The following RASGRF2 variants were observed in gnomAD, a reference collection of about 807,000 sequenced individuals.
RASGRF2 encodes Ras protein specific guanine nucleotide releasing factor 2.
In RASGRF2, 76 loss-of-function variants were observed where a neutral mutation model predicts 151.0. That is an observed-to-expected ratio of 0.50 (90% CI 0.42 to 0.61). RASGRF2 has a LOEUF of 0.61. RASGRF2 is among the 20% of genes least tolerant of loss of function. The probability of loss-of-function intolerance (pLI) is 0.00; values close to 1 mark genes in which losing one functional copy is unlikely to be tolerated. For missense variants in RASGRF2, 1,148 were observed against 1,564.6 expected (o/e 0.73, Z 4.49); for synonymous variants, 504 against 566.5 (o/e 0.89, Z 1.57).
At chr5:81,201,110 C>G (rs762491783) in intron 18 of RASGRF2, among the ~76,000 whole-genome samples, 2 of 152,076 alleles carry the variant, frequency 1.3e-5, no homozygotes, top group Non-Finnish European at 2.9e-5. Flanking sequence ...ATTTGCACCC[C>G]CTGGGGAGCC....
chr5:81,207,621 C>T (rs1252706887), intron 21 of RASGRF2, among the ~76,000 whole-genome samples: 2 of 152,178 alleles, frequency 1.3e-5, no homozygotes, highest in African/African-American at 4.8e-5. Flanking sequence ...AATGACTATA[C>T]AAAATAATTC....
At chr5:80,999,746 C>T (rs1031414192) in intron 1 of RASGRF2, among the ~76,000 whole-genome samples, 8 of 152,030 alleles carry the variant, frequency 5.3e-5, no homozygotes, top group African/African-American at 1.9e-4. Context: ...CTCCTTAGTT[C>T]GATTTCTTTA....
In RASGRF2 at chr5:81,082,127, C is replaced by T. The variant is rs189214179; in HGVS notation, c.1161+1338C>T. On this transcript the variant is annotated intron_variant, in intron 7 of 26. Transcript: ENST00000265080. ...TCAGTTGAATATACAAAGGTAGAGT[C>T]GTGAAAGACACATGGGGCATTCAGA... is the stretch of plus-strand genomic sequence containing the variant. Among the ~76,000 whole-genome samples, 1,066 of 152,242 alleles carry T rather than the reference C, an allele frequency of 7.0e-3. 9 individuals carry two copies. The highest frequency in any genetic ancestry group is 0.011 in the Non-Finnish European group (751 of 68,018).
chr5:81,184,285 A>G (rs1165476363), intron 18 of RASGRF2, among the ~76,000 whole-genome samples: 1 of 152,140 alleles, frequency 6.6e-6, no homozygotes, highest in Non-Finnish European at 1.5e-5. Context: ...TCGTTTACAC[A>G]ATTCCCAGGT....
At chr5:81,055,532 G>A (rs1385498578) in intron 2 of RASGRF2, among the ~76,000 whole-genome samples, 1 of 152,206 alleles carries the variant, frequency 6.6e-6, no homozygotes, top group Non-Finnish European at 1.5e-5. Flanking sequence ...CAGTTTGCCA[G>A]TATTTTATTG....
intron 15 of RASGRF2, among the ~76,000 whole-genome samples, chr5:81,122,473 C>T (rs1219294819): frequency 6.6e-6 from 1 of 152,126 alleles, no homozygotes; most frequent in Non-Finnish European, 1.5e-5. Context: ...CTTTTCCTGG[C>T]CCCTTTGTGT....
chr5:81,188,664 A>G (rs1340686724), intron 18 of RASGRF2, among the ~76,000 whole-genome samples: 1 of 152,212 alleles, frequency 6.6e-6, no homozygotes, highest in East Asian at 1.9e-4. Context: ...GTTGTTTTCA[A>G]ATATTAAGTC....
chr5:80,972,668 C>T lies in RASGRF2; in HGVS notation c.288+11642C>T, dbSNP rs189980180. On this transcript the variant is annotated intron_variant, in intron 1 of 26. Transcript: ENST00000265080. ...CTAATTTTTATGTTTTTAGTAAAGACAGGGTTTCATCATGTTGGCCAGGCT... is the reference window on the plus strand; with the variant it reads ...CTAATTTTTATGTTTTTAGTAAAGATAGGGTTTCATCATGTTGGCCAGGCT... 6.0e-3 allele frequency among the ~76,000 whole-genome samples: 910 copies of T among 152,182 alleles called. 15 individuals carry two copies. Among genetic ancestry groups the T allele is most frequent in the African/African-American group, 0.02 (835 of 41,512 alleles).
Position 80,960,914 on chromosome 5 carries a change from G to A in RASGRF2, c.176G>A (p.Ser59Asn). The A allele has an allele frequency of 6.2e-7, 1 of 1,603,150 alleles. No individual in the cohort carries two copies. Among genetic ancestry groups the A allele is most frequent in the Non-Finnish European group, 8.5e-7 (1 of 1,172,414 alleles). ...CTCTTCTACTTCGAGGGCGAGCAGA[G>A]CTGCCGCCCGGCGGGCATGTACCTC... ...NVLFYFEGEQSCRPAGMYLLE... is the reference protein window; with the variant it reads ...NVLFYFEGEQNCRPAGMYLLE... Residue 59 changes from serine (S) to asparagine (N), a missense_variant, in exon 1 of 27, where the codon AGC becomes AAC. Coordinates refer to ENST00000265080, the MANE Select transcript of RASGRF2 (RefSeq NM_006909.3). This position sits in a 1 kb window ranked among gnomAD's most constrained non-coding sequence, Gnocchi z 5.5.
intron 17 of RASGRF2, among the ~76,000 whole-genome samples, chr5:81,153,075 G>A (rs1389036418): frequency 1.3e-5 from 2 of 152,096 alleles, no homozygotes; most frequent in Non-Finnish European, 2.9e-5. Flanking sequence ...AATTAAAATG[G>A]TACATTATGA....
At chr5:80,974,745 A>G (rs1363462369) in intron 1 of RASGRF2, among the ~76,000 whole-genome samples, 1 of 152,196 alleles carries the variant, frequency 6.6e-6, no homozygotes, top group Non-Finnish European at 1.5e-5. Context: ...CAAAGTCTTT[A>G]TGAATCGGTT....
intron 19 of RASGRF2, among the ~76,000 whole-genome samples, chr5:81,203,386 C>T (rs1169194039): frequency 6.6e-6 from 1 of 152,218 alleles, no homozygotes; most frequent in Non-Finnish European, 1.5e-5. Context: ...CCAGACTTTA[C>T]CCATCAATTC....
intron 17 of RASGRF2, among the ~76,000 whole-genome samples, chr5:81,173,279 G>A (rs1014036062): frequency 3.9e-5 from 6 of 152,162 alleles, no homozygotes; most frequent in African/African-American, 7.2e-5. Flanking sequence ...TTGAGAGGCT[G>A]AGACAGGAGA....
At chr5:81,117,114 G>A (rs1347409506) in intron 15 of RASGRF2, among the ~76,000 whole-genome samples, 1 of 152,226 alleles carries the variant, frequency 6.6e-6, no homozygotes, top group Non-Finnish European at 1.5e-5. Context: ...TCAAGGTGAT[G>A]ATCCAATACC....
chr5:81,144,628 G>A (rs1307565425), intron 17 of RASGRF2, among the ~76,000 whole-genome samples: 1 of 152,172 alleles, frequency 6.6e-6, no homozygotes, highest in African/African-American at 2.4e-5. Context: ...TATATAAATT[G>A]AGTGGTTGCA....
chr5:80,969,815 C>CTTCTTT (rs1747867787), intron 1 of RASGRF2, among the ~76,000 whole-genome samples: 4 of 76,944 alleles, frequency 5.2e-5, no homozygotes, highest in African/African-American at 2.7e-4. Context: ...ACTTCTTCTT[C>CTTCTTT]TTTTTTTTTT....
At chr5:80,969,574 A>G (rs1476999255) in intron 1 of RASGRF2, among the ~76,000 whole-genome samples, 55 of 148,470 alleles carry the variant, frequency 3.7e-4, no homozygotes, top group East Asian at 2.5e-3. Context: ...TCAGCCTCCC[A>G]AGTAGCTGGG....
At chr5:81,189,042 T>C (rs1331760296) in intron 18 of RASGRF2, among the ~76,000 whole-genome samples, 3 of 152,256 alleles carry the variant, frequency 2.0e-5, no homozygotes, top group African/African-American at 7.2e-5. Flanking sequence ...TTTGTGTTGC[T>C]CAAAGGATTT....
chr5:80,983,111 C>T (rs1039996546), intron 1 of RASGRF2, among the ~76,000 whole-genome samples: 1 of 152,196 alleles, frequency 6.6e-6, no homozygotes, highest in Admixed American at 6.5e-5. Context: ...GTTAATCCTC[C>T]CTTACTTGAT....
Sources: allele counts gnomAD v4.1 joint callset (sites outside exome capture counted in the v4.1 genomes callset), GRCh38; gene constraint gnomAD v4.1.1; non-coding constraint Gnocchi (gnomAD v3.1); transcripts MANE v1.5; gene names NCBI Gene and HGNC (gene_info 2026-07-23, HGNC 2026-07-21).